HS3ST4: variants seen among roughly 807,000 people sequenced by gnomAD.
HS3ST4 encodes the protein heparan sulfate-glucosamine 3-sulfotransferase 4.
Under a neutral mutation model 29.2 loss-of-function variants are expected in HS3ST4, and 17 were observed. That is an observed-to-expected ratio of 0.58 (90% CI 0.40 to 0.87). The LOEUF (loss-of-function observed/expected upper bound fraction) is 0.87, where lower values mean the gene tolerates loss of function less well. Among genes scored for constraint, HS3ST4 ranks in the 40% least tolerant of loss-of-function variants. The pLI, the probability that HS3ST4 is intolerant of heterozygous loss-of-function variation, is 0.00. For missense variants in HS3ST4, 627 were observed against 634.5 expected (o/e 0.99, Z 0.13); for synonymous variants, 314 against 285.7 (o/e 1.10, Z -1.00).
rs375536847 is a variant in HS3ST4 at position 25,705,393 on chromosome 16, C to T, written c.734+12242C>T. Among the ~76,000 whole-genome samples the T allele has an allele frequency of 9.9e-5, 15 of 152,214 alleles. No homozygotes were observed. In the East Asian group the frequency reaches 1.2e-3, roughly 12 times the overall value. On this transcript the variant is annotated intron_variant, in intron 1 of 1. Coordinates refer to ENST00000331351, the MANE Select transcript of HS3ST4 (RefSeq NM_006040.3). ...TTTGAAAAGGAAGCTGGGCTGGCTG[C>T]GGTGGCTCACGCCTGTAATCCCAGC...
intron 1 of HS3ST4, among the ~76,000 whole-genome samples, chr16:25,711,641 C>T (rs1266536349): frequency 1.3e-5 from 2 of 152,158 alleles, no homozygotes; most frequent in Admixed American, 6.5e-5. Context: ...AAAGTGTTCT[C>T]ATGAGTAGAA....
chr16:25,721,283 G>C (rs1015304094), intron 1 of HS3ST4, among the ~76,000 whole-genome samples: 1 of 152,112 alleles, frequency 6.6e-6, no homozygotes, highest in Admixed American at 6.5e-5. Flanking sequence ...GGGGGTTTAG[G>C]GGGGCTGTAA....
intron 1 of HS3ST4, among the ~76,000 whole-genome samples, chr16:26,131,175 G>A (rs1899413568): frequency 6.6e-6 from 1 of 152,022 alleles, no homozygotes; most frequent in South Asian, 2.1e-4. Flanking sequence ...CCTACACCCA[G>A]GCCCCCCACC....
intron 1 of HS3ST4, among the ~76,000 whole-genome samples, chr16:25,864,765 A>G (rs535024307): frequency 2.0e-5 from 3 of 151,934 alleles, no homozygotes; most frequent in African/African-American, 7.2e-5. Flanking sequence ...GTATATATAT[A>G]TTTATTGTGT....
At chr16:25,722,726 G>A (rs970886669) in intron 1 of HS3ST4, among the ~76,000 whole-genome samples, 16 of 152,154 alleles carry the variant, frequency 1.1e-4, no homozygotes, top group African/African-American at 3.6e-4. Context: ...ATGACCTGCT[G>A]GCTGTGGGGC....
chr16:25,724,677 T>C (rs989889536), intron 1 of HS3ST4, among the ~76,000 whole-genome samples: 14 of 152,258 alleles, frequency 9.2e-5, no homozygotes, highest in Non-Finnish European at 1.9e-4. Context: ...AACTTTTTTT[T>C]AAATGTAACT....
chr16:26,018,457 A>G (rs1235974421), intron 1 of HS3ST4, among the ~76,000 whole-genome samples: 1 of 152,174 alleles, frequency 6.6e-6, no homozygotes, highest in Non-Finnish European at 1.5e-5. Context: ...CTCGGCATTT[A>G]CTGTGTACCA....
At chr16:25,715,047 G>T (rs1245913151) in intron 1 of HS3ST4, among the ~76,000 whole-genome samples, 5 of 152,196 alleles carry the variant, frequency 3.3e-5, no homozygotes, top group Non-Finnish European at 7.3e-5. Context: ...CGCCGGCCGG[G>T]CGCGGTGGCT....
chr16:25,828,242 C>CTTTCTTTTTCTATCTTTCTTTCTTTCTT (rs1371928058), intron 1 of HS3ST4, among the ~76,000 whole-genome samples: 4 of 75,016 alleles, frequency 5.3e-5, no homozygotes, highest in Non-Finnish European at 1.0e-4. Flanking sequence ...TTCTTTCTTT[C>CTTTCTTTTTCTATCTTTCTTTCTTTCTT]TCTTTCTTTC....
chr16:25,887,676 C>A (rs962998484), intron 1 of HS3ST4, among the ~76,000 whole-genome samples: 1 of 149,304 alleles, frequency 6.7e-6, no homozygotes, highest in South Asian at 2.1e-4. Flanking sequence ...GCATCCCTAG[C>A]GCCCGCTACA....
At position 25,692,555 on chromosome 16, in the gene HS3ST4, C is replaced by T; in HGVS notation, c.138C>T (p.Thr46=). 1.4e-6 allele frequency: 2 copies of T among 1,453,640 alleles called. No individual in the cohort carries two copies. The highest frequency in any genetic ancestry group is 2.3e-5 in the Admixed American group (1 of 44,144). 90.0% of individuals were successfully genotyped at this position (1,453,640 alleles called of 1,614,324 possible). Residue 46 remains threonine, a synonymous_variant, in exon 1 of 2, where the codon ACC becomes ACT. Coordinates refer to ENST00000331351, the MANE Select transcript of HS3ST4 (RefSeq NM_006040.3). ...LFMCTLSLSV[T]YLCYSLLGGS... is the part of the protein sequence containing the mutation. ...TGTGCACCTTGTCCCTGTCTGTCAC[C>T]TACCTGTGCTACAGCCTCCTGGGCG...
chr16:25,903,273 CGTGTGTGTGT>C (rs71385584), intron 1 of HS3ST4, among the ~76,000 whole-genome samples: 3 of 58,430 alleles, frequency 5.1e-5, no homozygotes, highest in South Asian at 6.8e-4. Context: ...GAAGAATATA[CGTGTGTGTGT>C]GTGTGTGTGT....
chr16:26,068,647 C>T (rs1477188197), intron 1 of HS3ST4, among the ~76,000 whole-genome samples: 1 of 152,032 alleles, frequency 6.6e-6, no homozygotes, highest in East Asian at 1.9e-4. Context: ...CCCTTTGGGG[C>T]TCAAGTGGTC....
In HS3ST4 at chr16:26,029,439, G is replaced by A. The variant is rs141001740; in HGVS notation, c.735-106173G>A. ...GTTCTTTTTTTTTTTTTGAGACAAA[G>A]TCTCACTCTGTCGCCCAGGCTGGAG... On this transcript the variant is annotated intron_variant, in intron 1 of 1. Transcript: ENST00000331351. Among the ~76,000 whole-genome samples, 1,224 of 150,984 alleles carry A rather than the reference G, an allele frequency of 8.1e-3. 16 individuals are homozygous for A. The highest frequency in any genetic ancestry group is 0.028 in the African/African-American group (1,160 of 41,144).
chr16:25,997,490 G>A (rs1969167790), intron 1 of HS3ST4, among the ~76,000 whole-genome samples: 3 of 152,224 alleles, frequency 2.0e-5, no homozygotes, highest in African/African-American at 7.2e-5. Context: ...CTGACTTCAG[G>A]AAAGACTGAA....
chr16:25,756,148 ACACACG>A (rs1391590824), intron 1 of HS3ST4, among the ~76,000 whole-genome samples: 46 of 84,454 alleles, frequency 5.4e-4, no homozygotes, highest in Non-Finnish European at 9.1e-4. Context: ...ACACACACAC[ACACACG>A]CACACACACA....
chr16:26,113,462 A>T (rs1449107786), intron 1 of HS3ST4, among the ~76,000 whole-genome samples: 2 of 125,872 alleles, frequency 1.6e-5, no homozygotes, highest in East Asian at 4.6e-4. Flanking sequence ...AAGAAAATAC[A>T]ATATATGATG....
chr16:25,805,976 G>A (rs143641719), intron 1 of HS3ST4, among the ~76,000 whole-genome samples: 25 of 152,202 alleles, frequency 1.6e-4, no homozygotes, highest in Middle Eastern at 3.4e-3. Flanking sequence ...CTGTTCCTGC[G>A]TTAGTTTGCT....
At chr16:25,885,576 A>G (rs948709966) in intron 1 of HS3ST4, among the ~76,000 whole-genome samples, 4 of 152,072 alleles carry the variant, frequency 2.6e-5, no homozygotes, top group Admixed American at 1.3e-4. Flanking sequence ...TTGTGGTCCC[A>G]CCCCTCAACA....
Sources: allele counts gnomAD v4.1 joint callset (sites outside exome capture counted in the v4.1 genomes callset), GRCh38; gene constraint gnomAD v4.1.1; transcripts MANE v1.5; gene names NCBI Gene and HGNC (gene_info 2026-07-23, HGNC 2026-07-21).